NOL4: variants seen among roughly 807,000 people sequenced by gnomAD.
NOL4 encodes cancer/testis antigen 125.
Under a neutral mutation model 75.9 loss-of-function variants are expected in NOL4, and 17 were observed. The observed-to-expected ratio is 0.22, with a 90% confidence interval of 0.15 to 0.34. The LOEUF (loss-of-function observed/expected upper bound fraction) is 0.34. NOL4 is among the 10% of genes least tolerant of loss of function. NOL4 has a pLI of 1.00. For missense variants in NOL4, 614 were observed against 793.5 expected (o/e 0.77, Z 2.72); for synonymous variants, 292 against 289.9 (o/e 1.01, Z -0.07).
At chr18:34,148,329 C>G (rs1475606466) in intron 1 of NOL4, among the ~76,000 whole-genome samples, 1 of 152,022 alleles carries the variant, frequency 6.6e-6, no homozygotes, top group Non-Finnish European at 1.5e-5. Flanking sequence ...TAGCTCTTTA[C>G]AGCTTTCTGC....
rs181526562 is a variant in NOL4 at position 34,106,687 on chromosome 18, T to G, written c.415-1527A>C. 1.3e-3 allele frequency among the ~76,000 whole-genome samples: 193 copies of G among 151,684 alleles called. No individual in the cohort carries two copies. The South Asian group carries it at 0.015, about 11-fold the overall frequency. Reference sequence around the variant, plus strand: ...ATATATATATAATTTAGGTTCTCATTCATTTTCTCTCTCTTTCCCTATAAA... The same window carrying G: ...ATATATATATAATTTAGGTTCTCATGCATTTTCTCTCTCTTTCCCTATAAA... On this transcript the variant is annotated intron_variant, in intron 2 of 10. Coordinates refer to ENST00000261592, the MANE Select transcript of NOL4 (RefSeq NM_003787.5).
At chr18:34,165,230 T>TA (rs2032177229) in intron 1 of NOL4, among the ~76,000 whole-genome samples, 1 of 131,776 alleles carries the variant, frequency 7.6e-6, no homozygotes, top group South Asian at 2.3e-4. Flanking sequence ...CCCTAAAACT[T>TA]AAAGTATAAT....
chr18:33,864,363 G>A (rs1237172720), intron 10 of NOL4, among the ~76,000 whole-genome samples: 1 of 152,096 alleles, frequency 6.6e-6, no homozygotes, highest in African/African-American at 2.4e-5. Flanking sequence ...TGAAACATAA[G>A]TTCTAATTTC....
At chr18:33,983,374 A>G (rs1254906726) in intron 6 of NOL4, among the ~76,000 whole-genome samples, 2 of 152,108 alleles carry the variant, frequency 1.3e-5, no homozygotes, top group Admixed American at 6.6e-5. Flanking sequence ...ACTGATTATA[A>G]CAAATGTACC....
intron 10 of NOL4, among the ~76,000 whole-genome samples, chr18:33,880,174 T>C (rs1014130458): frequency 6.6e-6 from 1 of 152,040 alleles, no homozygotes; most frequent in Admixed American, 6.6e-5. Flanking sequence ...TATCATATGA[T>C]TTTGGGTATA....
chr18:33,961,704 G>A (rs896374688), intron 6 of NOL4, among the ~76,000 whole-genome samples: 4 of 152,086 alleles, frequency 2.6e-5, no homozygotes, highest in East Asian at 1.9e-4. Flanking sequence ...CCGACACTGA[G>A]AAGAGTGGTA....
At chr18:33,987,244 T>C (rs2072532332) in intron 6 of NOL4, among the ~76,000 whole-genome samples, 1 of 152,068 alleles carries the variant, frequency 6.6e-6, no homozygotes, top group Non-Finnish European at 1.5e-5. Flanking sequence ...CTTTGGGGGA[T>C]AGGGGCTGAA....
chr18:34,119,581 G>C (rs2080025190), intron 2 of NOL4, among the ~76,000 whole-genome samples: 1 of 151,980 alleles, frequency 6.6e-6, no homozygotes, highest in African/African-American at 2.4e-5. Flanking sequence ...ACCTAGTTGA[G>C]ATGGGTGATC....
intron 6 of NOL4, among the ~76,000 whole-genome samples, chr18:33,960,016 A>C (rs1373489276): frequency 1.3e-5 from 2 of 152,026 alleles, no homozygotes; most frequent in Admixed American, 6.6e-5. Flanking sequence ...GTTTATGTAC[A>C]TGTTAATCTT....
At chr18:34,071,886 C>T (rs2077534551) in intron 5 of NOL4, among the ~76,000 whole-genome samples, 1 of 152,034 alleles carries the variant, frequency 6.6e-6, no homozygotes. Context: ...ATGTACCTAA[C>T]TATATGATAA....
At chr18:33,924,445 A>T (rs1292588119) in intron 9 of NOL4, among the ~76,000 whole-genome samples, 1 of 152,142 alleles carries the variant, frequency 6.6e-6, no homozygotes, top group Admixed American at 6.5e-5. Flanking sequence ...GTACCTCTCT[A>T]TTGGGCCATC....
chr18:34,138,685 T>C (rs1479724659), intron 1 of NOL4, among the ~76,000 whole-genome samples: 3 of 152,172 alleles, frequency 2.0e-5, no homozygotes, highest in Non-Finnish European at 4.4e-5. Context: ...TCCTGCCTGA[T>C]TGCCCTGGCC....
chr18:33,988,389 AT>A (rs948752498), intron 6 of NOL4, among the ~76,000 whole-genome samples: 1 of 152,112 alleles, frequency 6.6e-6, no homozygotes, highest in African/African-American at 2.4e-5. Context: ...ATGTTCAAAC[AT>A]AAAAAGATAC....
At chr18:33,991,823 T>C (rs1377361846) in intron 6 of NOL4, among the ~76,000 whole-genome samples, 3 of 152,078 alleles carry the variant, frequency 2.0e-5, no homozygotes, top group Non-Finnish European at 2.9e-5. Context: ...AGAGCATTTC[T>C]GTCATTTGCA....
chr18:33,960,184 G>A (rs149519567), intron 6 of NOL4, among the ~76,000 whole-genome samples: 1 of 151,914 alleles, frequency 6.6e-6, no homozygotes, highest in Non-Finnish European at 1.5e-5. Context: ...ACATATAATA[G>A]AATCTATTTA....
chr18:34,009,462 G>T (rs1473810083), intron 6 of NOL4, among the ~76,000 whole-genome samples: 1 of 151,918 alleles, frequency 6.6e-6, no homozygotes, highest in Non-Finnish European at 1.5e-5. Flanking sequence ...AGACATTTTT[G>T]CAAGATTCAG....
At chr18:33,879,687 A>G (rs1253738204) in intron 10 of NOL4, among the ~76,000 whole-genome samples, 1 of 152,062 alleles carries the variant, frequency 6.6e-6, no homozygotes, top group Non-Finnish European at 1.5e-5. Context: ...TCCTAAAAAT[A>G]AAAAAGATAG....
intron 1 of NOL4, among the ~76,000 whole-genome samples, chr18:34,193,689 T>A (rs1600843953): frequency 6.6e-6 from 1 of 152,120 alleles, no homozygotes; most frequent in African/African-American, 2.4e-5. Context: ...CCTCAAAAAA[T>A]CAAAAATAGA....
At chr18:34,104,997 G>T in intron 3 of NOL4, 52 bp downstream of exon 3, 3 of 1,072,188 alleles carry the variant, frequency 2.8e-6, no homozygotes, top group Non-Finnish European at 4.3e-6. Flanking sequence ...AGATACAAAT[G>T]GCCATTATGA....
Sources: gnomAD v4.1 joint callset for allele counts (sites outside exome capture counted in the v4.1 genomes callset) on GRCh38, gnomAD v4.1.1 for gene constraint, MANE v1.5 for transcripts, NCBI Gene and HGNC (gene_info 2026-07-23, HGNC 2026-07-21) for gene names.